The following PIK3R5 variants were observed in gnomAD, a reference collection of about 807,000 sequenced individuals.
PIK3R5 encodes phosphoinositide-3-kinase regulatory subunit 5.
Under a neutral mutation model 94.9 loss-of-function variants are expected in PIK3R5, and 32 were observed. That is an observed-to-expected ratio of 0.34 (90% CI 0.25 to 0.45). The LOEUF is 0.45. Among genes scored for constraint, PIK3R5 ranks in the 20% least tolerant of loss-of-function variants. PIK3R5 has a pLI of 1.00. For synonymous variants in PIK3R5, 443 were observed against 479.4 expected (o/e 0.92, Z 0.99); for missense variants, 853 against 1,144.6 (o/e 0.75, Z 3.68).
chr17:8,946,831 G>C (rs1479219728), intron 1 of PIK3R5, among the ~76,000 whole-genome samples: 1 of 151,844 alleles, frequency 6.6e-6, no homozygotes, highest in Non-Finnish European at 1.5e-5. Flanking sequence ...TCCTTCACTT[G>C]TTTCCCTTCT....
chr17:8,910,969 C>T (rs2090513135), intron 2 of PIK3R5, among the ~76,000 whole-genome samples: 1 of 152,176 alleles, frequency 6.6e-6, no homozygotes, highest in Non-Finnish European at 1.5e-5. Flanking sequence ...CTGCTCTCTG[C>T]AGCTCTGCTG....
intron 1 of PIK3R5, among the ~76,000 whole-genome samples, chr17:8,952,537 G>A (rs2091394363): frequency 6.6e-6 from 1 of 152,178 alleles, no homozygotes; most frequent in African/African-American, 2.4e-5. Flanking sequence ...AGGGAGAGCA[G>A]CAGGGATTGA....
chr17:8,908,883 C>T (rs2090458799), intron 3 of PIK3R5, among the ~76,000 whole-genome samples, 191 bp downstream of exon 3: 1 of 152,220 alleles, frequency 6.6e-6, no homozygotes, highest in African/African-American at 2.4e-5. Flanking sequence ...TGTGTTCTTA[C>T]TGAATGCACC....
chr17:8,899,711 G>A (rs573314775), intron 5 of PIK3R5, among the ~76,000 whole-genome samples: 36 of 152,228 alleles, frequency 2.4e-4, no homozygotes, highest in African/African-American at 8.2e-4. Context: ...CTGGGGGTGG[G>A]AGGGACTCAG....
chr17:8,943,938 A>G (rs574857303), intron 1 of PIK3R5, among the ~76,000 whole-genome samples: 13 of 149,546 alleles, frequency 8.7e-5, no homozygotes, highest in Non-Finnish European at 1.8e-4. Context: ...CAGTTTTGTT[A>G]TGGTAAACTC....
At position 8,902,249 on chromosome 17, in the gene PIK3R5, ATT is replaced by A. The variant is rs397960477; in HGVS notation, c.412+2526_412+2527del. ...ACCTCTTCATGGGTTTGATATATTAATTTTTTTTTTTTTTTTTTTTTTTTTTA... is the reference window on the plus strand; with the variant it reads ...ACCTCTTCATGGGTTTGATATATTAATTTTTTTTTTTTTTTTTTTTTTTTA... On this transcript the variant is annotated intron_variant, in intron 5 of 18. Transcript: ENST00000447110. Among the ~76,000 whole-genome samples, 153 of 77,218 alleles carry A rather than the reference ATT, an allele frequency of 2.0e-3. 1 individual carries two copies. The highest frequency in any genetic ancestry group is 3.8e-3 in the Admixed American group (20 of 5,314). The allele number at this position is 77,218 out of a possible 152,430, so 50.7% of individuals were successfully genotyped here. A position where few individuals can be genotyped will look rare whatever the true frequency, so the allele number is the denominator to read the frequency against.
At chr17:8,885,163 T>C in intron 14 of PIK3R5, 1 of 242,912 alleles carries the variant, frequency 4.1e-6, no homozygotes, top group Non-Finnish European at 8.2e-6. Context: ...TAACCCTGCC[T>C]CCCCAGGGCC....
rs1331435304 is a variant in PIK3R5, at chr17:8,879,661, C to A, written c.*978G>T. 6.6e-6 allele frequency: 1 copy of A among 152,242 alleles called. No homozygotes were observed. The highest frequency in any genetic ancestry group is 1.9e-4 in the East Asian group (1 of 5,202). The allele number at this position is 152,242 out of a possible 1,614,324, so 9.4% of individuals were successfully genotyped here. ...CTCTTCAGTCTGGGTTCTGCCTCAGCCACGAACTGGGAAGGAGTGAGGAAC... is the reference window on the plus strand; with the variant it reads ...CTCTTCAGTCTGGGTTCTGCCTCAGACACGAACTGGGAAGGAGTGAGGAAC... On this transcript the variant is annotated 3_prime_UTR_variant, in exon 19 of 19. Transcript: ENST00000447110. The surrounding 1 kb of genome is among the most constrained non-coding windows in gnomAD (Gnocchi z 4.4).
chr17:8,897,988 G>T (rs2090190436), intron 5 of PIK3R5, among the ~76,000 whole-genome samples: 3 of 152,134 alleles, frequency 2.0e-5, no homozygotes. Flanking sequence ...AATAGCCCCT[G>T]AGAGTTTAAG....
chr17:8,931,924 T>A (rs1356745326), intron 1 of PIK3R5, among the ~76,000 whole-genome samples: 1 of 152,196 alleles, frequency 6.6e-6, no homozygotes, highest in Non-Finnish European at 1.5e-5. Context: ...ATCCTGCTTA[T>A]CCACCTATAA....
At chr17:8,915,132 G>C (rs1040583473) in intron 1 of PIK3R5, among the ~76,000 whole-genome samples, 1 of 152,186 alleles carries the variant, frequency 6.6e-6, no homozygotes, top group African/African-American at 2.4e-5. Context: ...GTGAAGACTT[G>C]ATTTTGCTTT....
At chr17:8,908,572 C>CACACACACAA (rs59377538) in intron 3 of PIK3R5, among the ~76,000 whole-genome samples, 2 of 149,032 alleles carry the variant, frequency 1.3e-5, no homozygotes, top group African/African-American at 5.0e-5. Context: ...CACACACACA[C>CACACACACAA]AACCATAAAA....
At position 8,945,391 on chromosome 17, in the gene PIK3R5, A is replaced by G. The variant is rs1249497985; in HGVS notation, c.-14+20205T>C. ...ACTCACACCCTTCAGGGAATGAGAAACTGGTCCCAGGGCTGTATTCCCTCC... is the reference window on the plus strand; with the variant it reads ...ACTCACACCCTTCAGGGAATGAGAAGCTGGTCCCAGGGCTGTATTCCCTCC... On this transcript the variant is annotated intron_variant, in intron 1 of 18. Coordinates refer to ENST00000447110, the MANE Select transcript of PIK3R5 (RefSeq NM_001142633.3). The surrounding 1 kb of genome is among the most constrained non-coding windows in gnomAD (Gnocchi z 4.0). 6.6e-6 allele frequency among the ~76,000 whole-genome samples: 1 copy of G among 152,154 alleles called. No individual in the cohort carries two copies. The highest frequency in any genetic ancestry group is 1.5e-5 in the Non-Finnish European group (1 of 68,010).
chr17:8,955,297 T>C lies in PIK3R5; in HGVS notation c.-14+10299A>G, dbSNP rs768750008. ...CAAGCACTGATTGAATGACAAGTGC[T>C]GGCCCCTGCAAGGCACTGGAGAGTC... On this transcript the variant is annotated intron_variant, in intron 1 of 18. Coordinates refer to ENST00000447110, the MANE Select transcript of PIK3R5 (RefSeq NM_001142633.3). The surrounding 1 kb of genome is among the most constrained non-coding windows in gnomAD (Gnocchi z 4.4). Among the ~76,000 whole-genome samples the C allele has an allele frequency of 3.3e-5, 5 of 152,226 alleles. No homozygotes were observed. Among genetic ancestry groups the C allele is most frequent in the Non-Finnish European group, 5.9e-5 (4 of 68,038 alleles).
chr17:8,947,198 C>G (rs564099286), intron 1 of PIK3R5, among the ~76,000 whole-genome samples: 4 of 152,284 alleles, frequency 2.6e-5, no homozygotes, highest in African/African-American at 9.6e-5. Flanking sequence ...GAATCTTTGC[C>G]TGGATAGCAG....
At position 8,890,191 on chromosome 17, in the gene PIK3R5, T is replaced by C; in HGVS notation, c.658-65A>G. ...TGAGCTAGCTGTCCACCTGTTCCAG[T>C]TGCTAGCTTCTTACTGAGGGAGGCA... is the stretch of plus-strand genomic sequence containing the variant. On this transcript the variant is annotated intron_variant, in intron 7 of 18. Transcript: ENST00000447110. The surrounding 1 kb of genome is among the most constrained non-coding windows in gnomAD (Gnocchi z 6.1). 2 of 1,548,266 alleles carry C rather than the reference T, an allele frequency of 1.3e-6. No homozygotes were observed. Among genetic ancestry groups the C allele is most frequent in the South Asian group, 1.1e-5 (1 of 89,192 alleles).
chr17:8,950,998 G>A (rs956127752), intron 1 of PIK3R5, among the ~76,000 whole-genome samples: 1 of 152,108 alleles, frequency 6.6e-6, no homozygotes, highest in African/African-American at 2.4e-5. Context: ...CATTCTGACT[G>A]GTGCGAGATG....
chr17:8,954,037 C>T (rs1159932058), intron 1 of PIK3R5, among the ~76,000 whole-genome samples: 3 of 150,740 alleles, frequency 2.0e-5, no homozygotes, highest in African/African-American at 7.3e-5. Flanking sequence ...CCCCTTCCCC[C>T]AGAAAGTGCT....
chr17:8,945,160 G>A lies in PIK3R5; in HGVS notation c.-14+20436C>T, dbSNP rs555356997. On this transcript the variant is annotated intron_variant, in intron 1 of 18. Transcript: ENST00000447110. The surrounding 1 kb of genome is among the most constrained non-coding windows in gnomAD (Gnocchi z 4.0). The stretch of plus-strand genomic sequence containing the variant: ...GCTCGGCCCCTCACCCCACTTCGAA[G>A]AGGGGATCTACATCCTCCCCAGCTG... 1.1e-4 allele frequency among the ~76,000 whole-genome samples: 16 copies of A among 152,238 alleles called. No individual in the cohort carries two copies. Among genetic ancestry groups the A allele is most frequent in the African/African-American group, 3.9e-4 (16 of 41,542 alleles).
Sources: allele counts gnomAD v4.1 joint callset (sites outside exome capture counted in the v4.1 genomes callset), GRCh38; gene constraint gnomAD v4.1.1; non-coding constraint Gnocchi (gnomAD v3.1); transcripts MANE v1.5; gene names NCBI Gene and HGNC (gene_info 2026-07-23, HGNC 2026-07-21).